Variants in EDIL3 observed in about 807,000 individuals in gnomAD.
EDIL3 encodes the protein EGF like and discoidin domains 3.
EDIL3 carries 37 observed loss-of-function variants against 67.4 expected under a neutral mutation model. The ratio of observed to expected loss-of-function variants is 0.55; its 90% CI spans 0.42 to 0.72. The LOEUF is 0.72. EDIL3 is among the 30% of genes least tolerant of loss of function. EDIL3 has a pLI of 0.00. For missense variants in EDIL3, 527 were observed against 586.3 expected (o/e 0.90, Z 1.04); for synonymous variants, 195 against 196.3 (o/e 0.99, Z 0.05).
rs1009344794 is a variant in EDIL3, at chr5:84,384,587, C to G, written c.-213G>C. The G allele has an allele frequency of 5.0e-6, 2 of 403,398 alleles. No homozygotes were observed. The highest frequency in any genetic ancestry group is 4.6e-5 in the Admixed American group (1 of 21,824). 25.0% of individuals were successfully genotyped at this position (403,398 alleles called of 1,614,324 possible). ...CCTTTCCTCCCCTTTTGCCTGCGCT[C>G]CGGCGCGCGGAGGTGGGTGAGCTCC... On this transcript the variant is annotated 5_prime_UTR_variant, in exon 1 of 11. Coordinates refer to ENST00000296591, the MANE Select transcript of EDIL3 (RefSeq NM_005711.5).
chr5:84,028,584 C>A (rs1052378913), intron 9 of EDIL3, among the ~76,000 whole-genome samples: 1 of 152,058 alleles, frequency 6.6e-6, no homozygotes, highest in Non-Finnish European at 1.5e-5. Context: ...CACAGACACA[C>A]ACACACGTGA....
intron 2 of EDIL3, among the ~76,000 whole-genome samples, chr5:84,240,651 T>G (rs1361403917): frequency 1.3e-5 from 2 of 152,118 alleles, no homozygotes; most frequent in African/African-American, 4.8e-5. Context: ...TGGAACAGTT[T>G]CATCCTGAAA....
chr5:84,373,503 A>T lies in EDIL3; in HGVS notation c.67+10805T>A, dbSNP rs570158986. 9.9e-5 allele frequency among the ~76,000 whole-genome samples: 15 copies of T among 152,250 alleles called. 2 individuals are homozygous for T. In the South Asian group the frequency reaches 3.1e-3, roughly 32 times the overall value. On this transcript the variant is annotated intron_variant, in intron 1 of 10. Transcript: ENST00000296591. Reference sequence around the variant, plus strand: ...AATTCAACCTTTCAGCCCTTCCAGGATCTATAGATGCTATCACTTTTTGAT... The same window carrying T: ...AATTCAACCTTTCAGCCCTTCCAGGTTCTATAGATGCTATCACTTTTTGAT...
chr5:84,147,256 G>C (rs2112326325), intron 4 of EDIL3, among the ~76,000 whole-genome samples: 1 of 152,196 alleles, frequency 6.6e-6, no homozygotes, highest in South Asian at 2.1e-4. Context: ...CTGCAGAGTA[G>C]AGAAATTGCT....
At chr5:84,220,486 G>T (rs1290247864) in intron 3 of EDIL3, among the ~76,000 whole-genome samples, 1 of 152,094 alleles carries the variant, frequency 6.6e-6, no homozygotes, top group Non-Finnish European at 1.5e-5. Flanking sequence ...TCTCATAGAA[G>T]TTTTTATAAA....
chr5:84,369,639 C>T (rs904710112), intron 1 of EDIL3, among the ~76,000 whole-genome samples: 5 of 151,814 alleles, frequency 3.3e-5, no homozygotes, highest in African/African-American at 1.2e-4. Context: ...TTCTGCATTA[C>T]AATATAAAGA....
At chr5:84,117,027 T>TTTA (rs1561436233) in intron 5 of EDIL3, among the ~76,000 whole-genome samples, 2 of 126,130 alleles carry the variant, frequency 1.6e-5, no homozygotes, top group African/African-American at 6.7e-5. Flanking sequence ...CTTATTTTTT[T>TTTA]TTTTTTTTTT....
At chr5:84,246,051 A>G (rs1381097760) in intron 2 of EDIL3, among the ~76,000 whole-genome samples, 1 of 152,186 alleles carries the variant, frequency 6.6e-6, no homozygotes, top group African/African-American at 2.4e-5. Context: ...TTTGTGTATA[A>G]CGTAAAAAGA....
Position 84,137,208 on chromosome 5 carries a change from C to CAT in EDIL3, c.469+32_469+33insAT, listed in dbSNP as rs762492365. The CAT allele has an allele frequency of 1.1e-5, 17 of 1,501,974 alleles. No homozygotes were observed. The Middle Eastern group carries it at 5.1e-4, about 45-fold the overall frequency. 93.0% of individuals were successfully genotyped at this position (1,501,974 alleles called of 1,614,324 possible). ...ATACACACACACACACACACACACACACACACACACATACACACACGTGAA... is the reference window on the plus strand; with the variant it reads ...ATACACACACACACACACACACACACATACACACACACATACACACACGTGAA... On this transcript the variant is annotated intron_variant, in intron 5 of 10. Coordinates refer to ENST00000296591, the MANE Select transcript of EDIL3 (RefSeq NM_005711.5).
At chr5:84,040,066 A>G (rs1450216160) in intron 9 of EDIL3, among the ~76,000 whole-genome samples, 1 of 152,188 alleles carries the variant, frequency 6.6e-6, no homozygotes, top group Non-Finnish European at 1.5e-5. Context: ...TTAGCAAATA[A>G]GAATATTGAG....
intron 10 of EDIL3, among the ~76,000 whole-genome samples, chr5:83,946,856 T>C (rs11744210): frequency 0.97 from 147,313 of 151,992 alleles, 71,389 homozygotes; most frequent in East Asian, 1. Flanking sequence ...TTTAGAAAAT[T>C]ATCTAGTTTG....
Position 84,224,570 on chromosome 5 carries a change from C to T in EDIL3, c.226+5285G>A, listed in dbSNP as rs191320375. ...TTGTGCAACATAAGGAAAGCAATCA[C>T]TGACAACTTTGTTAAAAGGTGTTAT... On this transcript the variant is annotated intron_variant, in intron 3 of 10. Coordinates refer to ENST00000296591, the MANE Select transcript of EDIL3 (RefSeq NM_005711.5). Among the ~76,000 whole-genome samples, 349 of 151,492 alleles carry T rather than the reference C, an allele frequency of 2.3e-3. 1 individual carries two copies. Among genetic ancestry groups the T allele is most frequent in the African/African-American group, 6.7e-3 (280 of 41,500 alleles).
At chr5:84,308,909 C>T (rs894312319) in intron 1 of EDIL3, among the ~76,000 whole-genome samples, 11 of 152,106 alleles carry the variant, frequency 7.2e-5, no homozygotes, top group African/African-American at 2.7e-4. Context: ...GGCGAAAATT[C>T]CATCACCAAT....
intron 2 of EDIL3, among the ~76,000 whole-genome samples, chr5:84,244,965 C>T (rs1355192393): frequency 3.9e-5 from 6 of 152,226 alleles, no homozygotes; most frequent in Non-Finnish European, 8.8e-5. Context: ...TGCCAACCCA[C>T]CTTCTGTGGC....
chr5:83,960,171 AG>A (rs1205316364), intron 10 of EDIL3, among the ~76,000 whole-genome samples: 2 of 151,084 alleles, frequency 1.3e-5, no homozygotes, highest in Non-Finnish European at 3.0e-5. Context: ...CAAACTGGTT[AG>A]ATTTCTTCTT....
chr5:84,333,426 T>C (rs531801738), intron 1 of EDIL3, among the ~76,000 whole-genome samples: 1 of 152,226 alleles, frequency 6.6e-6, no homozygotes, highest in East Asian at 1.9e-4. Context: ...GTATTCAAAA[T>C]GATAAAGTCA....
At chr5:84,339,605 G>GT (rs34199532) in intron 1 of EDIL3, among the ~76,000 whole-genome samples, 12 of 125,178 alleles carry the variant, frequency 9.6e-5, no homozygotes, top group East Asian at 4.2e-4. Flanking sequence ...AAAATACTGT[G>GT]TTTTTTTTTA....
chr5:84,215,401 C>A (rs1326660298), intron 3 of EDIL3, among the ~76,000 whole-genome samples: 1 of 151,644 alleles, frequency 6.6e-6, no homozygotes. Flanking sequence ...CTACAGGCGC[C>A]CGCCACCACA....
At position 84,228,141 on chromosome 5, in the gene EDIL3, T is replaced by C. The variant is rs910805418; in HGVS notation, c.226+1714A>G. Among the ~76,000 whole-genome samples the C allele has an allele frequency of 2.0e-5, 3 of 152,026 alleles. No homozygotes were observed. In the South Asian group the frequency reaches 6.2e-4, roughly 32 times the overall value. ...AGTGTTCAATAGCCCATGTAGCTAG[T>C]GGCTGCCCTATTGGACAACACAGGC... On this transcript the variant is annotated intron_variant, in intron 3 of 10. Transcript: ENST00000296591.
Sources: gnomAD v4.1 joint callset for allele counts (sites outside exome capture counted in the v4.1 genomes callset) on GRCh38, gnomAD v4.1.1 for gene constraint, MANE v1.5 for transcripts, NCBI Gene and HGNC (gene_info 2026-07-23, HGNC 2026-07-21) for gene names.